RFX3: variants seen among roughly 807,000 people sequenced by gnomAD.
RFX3 encodes the protein transcription factor RFX3.
RFX3 carries 14 observed loss-of-function variants against 98.6 expected under a neutral mutation model. That is an observed-to-expected ratio of 0.14 (90% CI 0.09 to 0.22). RFX3 has a LOEUF of 0.22. RFX3 is among the 10% of genes least tolerant of loss of function. The probability of loss-of-function intolerance (pLI) is 1.00; values close to 1 mark genes in which losing one functional copy is unlikely to be tolerated. For synonymous variants in RFX3, 383 were observed against 328.4 expected (o/e 1.17, Z -1.80); for missense variants, 639 against 926.9 (o/e 0.69, Z 4.03).
chr9:3,373,720 G>C (rs1354378823), intron 2 of RFX3, among the ~76,000 whole-genome samples: 3 of 152,214 alleles, frequency 2.0e-5, no homozygotes, highest in African/African-American at 4.8e-5. Flanking sequence ...AGGACAAAAA[G>C]TATAGGAGGA....
chr9:3,479,925 G>A (rs901265430), intron 1 of RFX3, among the ~76,000 whole-genome samples: 3 of 152,196 alleles, frequency 2.0e-5, no homozygotes, highest in African/African-American at 7.2e-5. Flanking sequence ...GCTTCTGGAA[G>A]AGAAAAGAGT....
At chr9:3,487,848 G>C (rs928902810) in intron 1 of RFX3, among the ~76,000 whole-genome samples, 1 of 152,134 alleles carries the variant, frequency 6.6e-6, no homozygotes, top group African/African-American at 2.4e-5. Context: ...AGAGTCAAAA[G>C]ATCTGGAAAA....
intron 1 of RFX3, among the ~76,000 whole-genome samples, chr9:3,427,219 T>C (rs1313636766): frequency 2.8e-5 from 4 of 145,352 alleles, no homozygotes; most frequent in Non-Finnish European, 4.5e-5. Context: ...ATAATAAATA[T>C]ATAATACAAT....
chr9:3,262,548 A>G (rs1386538496), intron 13 of RFX3, among the ~76,000 whole-genome samples: 1 of 152,218 alleles, frequency 6.6e-6, no homozygotes, highest in East Asian at 1.9e-4. Context: ...CAATAATCTA[A>G]GACAGGTGTT....
intron 5 of RFX3, among the ~76,000 whole-genome samples, chr9:3,297,246 G>A (rs1828105437): frequency 6.6e-6 from 1 of 151,986 alleles, no homozygotes; most frequent in East Asian, 1.9e-4. Flanking sequence ...TTTATAAAAT[G>A]TCTTGTAAAA....
chr9:3,423,287 A>C (rs190524541), intron 1 of RFX3, among the ~76,000 whole-genome samples: 3 of 152,342 alleles, frequency 2.0e-5, no homozygotes, highest in East Asian at 3.9e-4. Context: ...TCCACTCCTA[A>C]GTATTGATCT....
At chr9:3,434,020 A>G (rs1564096259) in intron 1 of RFX3, among the ~76,000 whole-genome samples, 1 of 152,154 alleles carries the variant, frequency 6.6e-6, no homozygotes, top group Non-Finnish European at 1.5e-5. Context: ...AATCTATACT[A>G]TTTGTACTAA....
At chr9:3,363,666 A>G (rs1836724058) in intron 2 of RFX3, among the ~76,000 whole-genome samples, 1 of 152,208 alleles carries the variant, frequency 6.6e-6, no homozygotes, top group Admixed American at 6.5e-5. Context: ...AATGGTAGGC[A>G]TTTTTATCTC....
intron 1 of RFX3, among the ~76,000 whole-genome samples, chr9:3,485,403 T>C (rs945038750): frequency 6.6e-6 from 1 of 152,220 alleles, no homozygotes; most frequent in Admixed American, 6.5e-5. Flanking sequence ...TGTCCTCATG[T>C]TACATAAGAA....
intron 2 of RFX3, among the ~76,000 whole-genome samples, chr9:3,367,754 T>A (rs1480011077): frequency 6.6e-6 from 1 of 152,192 alleles, no homozygotes; most frequent in African/African-American, 2.4e-5. Flanking sequence ...AATCCTTAAT[T>A]TCCTGCTAAA....
chr9:3,296,608 A>C (rs887228588), intron 5 of RFX3, among the ~76,000 whole-genome samples: 5 of 152,124 alleles, frequency 3.3e-5, no homozygotes, highest in African/African-American at 1.2e-4. Context: ...GTACAAGAAC[A>C]GGTATTTTGA....
At chr9:3,293,975 T>C (rs966367218) in intron 5 of RFX3, among the ~76,000 whole-genome samples, 4 of 152,188 alleles carry the variant, frequency 2.6e-5, no homozygotes, top group African/African-American at 9.6e-5. Flanking sequence ...ACTGCAATGA[T>C]AGTTGGTAAC....
chr9:3,524,742 T>G, intron 1 of RFX3: 1 of 327,584 alleles, frequency 3.1e-6, no homozygotes, highest in Non-Finnish European at 4.4e-6. Flanking sequence ...CTACTCCCCC[T>G]CCCACCTCCA....
intron 1 of RFX3, among the ~76,000 whole-genome samples, chr9:3,427,643 T>C (rs1844242611): frequency 6.6e-6 from 1 of 151,890 alleles, no homozygotes; most frequent in South Asian, 2.1e-4. Context: ...TAGGATGAAT[T>C]TGAGAAAATC....
chr9:3,389,881 C>T (rs1840117984), intron 2 of RFX3, among the ~76,000 whole-genome samples: 1 of 152,072 alleles, frequency 6.6e-6, no homozygotes, highest in Non-Finnish European at 1.5e-5. Flanking sequence ...GTAATATTCG[C>T]CCTGTACATA....
rs972162165 is a variant in RFX3, at chr9:3,467,119, C to T, written c.-9+58628G>A. Among the ~76,000 whole-genome samples the T allele has an allele frequency of 1.1e-3, 103 of 91,634 alleles. 1 individual carries two copies. The highest frequency in any genetic ancestry group is 8.1e-3 in the African/African-American group (83 of 10,256). The allele number at this position is 91,634 out of a possible 152,430, so 60.1% of individuals were successfully genotyped here. On this transcript the variant is annotated intron_variant, in intron 1 of 16. Coordinates refer to ENST00000617270, the MANE Select transcript of RFX3 (RefSeq NM_001282116.2). Reference sequence around the variant, plus strand: ...ATGTAAGTATATATGTATATACATACATATATGTAAGTATATATGTATATA... The same window carrying T: ...ATGTAAGTATATATGTATATACATATATATATGTAAGTATATATGTATATA...
chr9:3,512,993 T>G (rs190151209), intron 1 of RFX3, among the ~76,000 whole-genome samples: 1 of 152,238 alleles, frequency 6.6e-6, no homozygotes, highest in African/African-American at 2.4e-5. Flanking sequence ...TCCACATAGC[T>G]GAGAATATGC....
At chr9:3,357,150 G>C (rs1020904094) in intron 2 of RFX3, among the ~76,000 whole-genome samples, 1 of 151,880 alleles carries the variant, frequency 6.6e-6, no homozygotes, top group Non-Finnish European at 1.5e-5. Context: ...AAATTATTAA[G>C]TGCATCCCAA....
intron 2 of RFX3, among the ~76,000 whole-genome samples, chr9:3,363,806 A>G (rs1177442739): frequency 6.6e-6 from 1 of 152,232 alleles, no homozygotes; most frequent in Non-Finnish European, 1.5e-5. Context: ...GTTTCCCCAA[A>G]TATGGGAATA....
Sources: allele counts gnomAD v4.1 joint callset (sites outside exome capture counted in the v4.1 genomes callset), GRCh38; gene constraint gnomAD v4.1.1; transcripts MANE v1.5; gene names NCBI Gene and HGNC (gene_info 2026-07-23, HGNC 2026-07-21).